TBC1D15: variants seen among roughly 807,000 people sequenced by gnomAD.
The protein encoded by TBC1D15 is TBC1 domain family member 15, also known as GAP for RAB7.
A neutral mutation model predicts 95.4 loss-of-function variants in TBC1D15; 39 were observed. That is an observed-to-expected ratio of 0.41 (90% CI 0.32 to 0.53). TBC1D15 has a LOEUF of 0.53. Ranked by LOEUF, TBC1D15 falls within the 20% of genes least tolerant of loss-of-function variation. The pLI, the probability that TBC1D15 is intolerant of heterozygous loss-of-function variation, is 0.29. For missense variants in TBC1D15, 733 were observed against 794.3 expected (o/e 0.92, Z 0.93); for synonymous variants, 258 against 261.3 (o/e 0.99, Z 0.12).
rs4457797 is a variant in TBC1D15, at chr12:71,924,049, T to C, written c.*845T>C. The C allele has an allele frequency of 0.34, 51,191 of 152,464 alleles. 11,265 individuals are homozygous for C. Among genetic ancestry groups the C allele is most frequent in the African/African-American group, 0.61 (25,452 of 41,448 alleles). 9.4% of individuals were successfully genotyped at this position (152,464 alleles called of 1,614,324 possible). On this transcript the variant is annotated 3_prime_UTR_variant, in exon 17 of 17. Coordinates refer to ENST00000485960, the MANE Select transcript of TBC1D15 (RefSeq NM_001146213.3). ...GCTTGTAACCTCACTTTACTAATAA[T>C]GTTTATTATCTTTCCTAATAATGCA...
intron 10 of TBC1D15, among the ~76,000 whole-genome samples, chr12:71,898,714 A>G (rs1419640077): frequency 2.0e-5 from 3 of 152,120 alleles, no homozygotes; most frequent in South Asian, 2.1e-4. Flanking sequence ...CTGGATTTGT[A>G]TATCCGTGGT....
intron 14 of TBC1D15, 110 bp from the exon 15 acceptor site, chr12:71,920,621 C>A: frequency 1.2e-6 from 1 of 842,818 alleles, no homozygotes; most frequent in Non-Finnish European, 2.0e-6. Flanking sequence ...CTACCCTAAA[C>A]AGGCAACATC....
chr12:71,902,789 C>G (rs544493537), intron 10 of TBC1D15, among the ~76,000 whole-genome samples: 10 of 152,178 alleles, frequency 6.6e-5, no homozygotes, highest in Non-Finnish European at 1.0e-4. Context: ...GGTAAACAGA[C>G]AAGCTACAGA....
At chr12:71,887,196 G>GATCAACTATCAAGTTGATCA (rs1896394661) in intron 5 of TBC1D15, among the ~76,000 whole-genome samples, 1 of 147,398 alleles carries the variant, frequency 6.8e-6, no homozygotes, top group Admixed American at 6.7e-5. Flanking sequence ...ATTTTTACTT[G>GATCAACTATCAAGTTGATCA]ACTACTATTT....
At chr12:71,879,135 CTT>C (rs370132097) in intron 3 of TBC1D15, among the ~76,000 whole-genome samples, 30 of 144,476 alleles carry the variant, frequency 2.1e-4, no homozygotes, top group Non-Finnish European at 2.3e-4. Context: ...CTCTCTCTCT[CTT>C]TTTTTTTTTT....
chr12:71,844,738 C>G (rs2137806825), intron 1 of TBC1D15, among the ~76,000 whole-genome samples: 1 of 152,316 alleles, frequency 6.6e-6, no homozygotes, highest in South Asian at 2.1e-4. Context: ...TAGGCGTTTA[C>G]TGTATATTTA....
chr12:71,917,832 T>A (rs772179934), intron 13 of TBC1D15, 35 bp downstream of exon 13: 1 of 1,387,560 alleles, frequency 7.2e-7, no homozygotes, highest in South Asian at 1.2e-5. Flanking sequence ...ACCCAGCAAA[T>A]TGTAGAGTAA....
intron 11 of TBC1D15, among the ~76,000 whole-genome samples, chr12:71,910,809 A>G (rs1902059985): frequency 6.6e-6 from 1 of 152,240 alleles, no homozygotes; most frequent in South Asian, 2.1e-4. Flanking sequence ...TGCACAGCAA[A>G]GGAAACTACC....
At chr12:71,864,974 G>C (rs1392152505) in intron 1 of TBC1D15, among the ~76,000 whole-genome samples, 2 of 152,204 alleles carry the variant, frequency 1.3e-5, no homozygotes, top group African/African-American at 4.8e-5. Context: ...CAGTGGTAAT[G>C]TCCTTGCTGT....
chr12:71,850,399 T>TACC (rs1887484931), intron 1 of TBC1D15: 1 of 275,296 alleles, frequency 3.6e-6, no homozygotes, highest in Non-Finnish European at 7.0e-6. Flanking sequence ...CCCAGCTCCT[T>TACC]CTGAGCAGGT....
chr12:71,868,678 G>A (rs987765056), intron 1 of TBC1D15: 3 of 152,180 alleles, frequency 2.0e-5, no homozygotes, highest in African/African-American at 7.2e-5. Context: ...AATGTAAGAG[G>A]AAGAGTTGCT....
At chr12:71,895,881 T>G (rs1898056640) in intron 7 of TBC1D15, 66 bp from the exon 8 acceptor site, 1 of 1,459,088 alleles carries the variant, frequency 6.9e-7, no homozygotes, top group African/African-American at 1.4e-5. Flanking sequence ...AAATTTAGTT[T>G]CTATATGCCT....
chr12:71,844,732 C>T (rs970171194), intron 1 of TBC1D15, among the ~76,000 whole-genome samples: 3 of 152,166 alleles, frequency 2.0e-5, no homozygotes, highest in Non-Finnish European at 4.4e-5. Context: ...ACATGGTAGG[C>T]GTTTACTGTA....
chr12:71,880,478 T>G lies in TBC1D15; in HGVS notation c.214T>G (p.Ser72Ala), dbSNP rs1894914152. Residue 72 changes from serine to alanine, a missense_variant, in exon 4 of 17, where the codon TCA (serine) becomes GCA (alanine). Coordinates refer to ENST00000485960, the MANE Select transcript of TBC1D15 (RefSeq NM_001146213.3). Reference sequence around the variant, plus strand: ...GTTATAATTATTTTAGGACTCCAGTTCAGTTGTAGAATGGACTCAGGCCCC... The same window carrying G: ...GTTATAATTATTTTAGGACTCCAGTGCAGTTGTAGAATGGACTCAGGCCCC... Reference protein sequence around the residue: ...SILYARKDSSSVVEWTQAPKE... With the variant: ...SILYARKDSSAVVEWTQAPKE... 3 of 1,590,150 alleles carry G rather than the reference T, an allele frequency of 1.9e-6. No homozygotes were observed. The highest frequency in any genetic ancestry group is 4.6e-5 in the East Asian group (2 of 43,770).
chr12:71,905,823 A>T (rs1053545604), intron 10 of TBC1D15, among the ~76,000 whole-genome samples: 1 of 152,132 alleles, frequency 6.6e-6, no homozygotes, highest in African/African-American at 2.4e-5. Context: ...TTAAGCTCAC[A>T]TCATACCCTG....
At chr12:71,850,319 G>C in intron 1 of TBC1D15, 1 of 414,450 alleles carries the variant, frequency 2.4e-6, no homozygotes, top group Non-Finnish European at 4.6e-6. Flanking sequence ...TGGTTTGAAA[G>C]ACATCAGAAG....
At position 71,890,828 on chromosome 12, in the gene TBC1D15, T is replaced by A. The variant is rs1002923875; in HGVS notation, c.555-2394T>A. On this transcript the variant is annotated intron_variant, in intron 5 of 16. Transcript: ENST00000485960. ...CTTTGATTTATCATCATTTAAAATA[T>A]GATATTCACTTGGATAAAAGAATCA... Among the ~76,000 whole-genome samples, 3 of 152,244 alleles carry A rather than the reference T, an allele frequency of 2.0e-5. No homozygotes were observed. The South Asian group carries it at 6.2e-4, about 31-fold the overall frequency.
At position 71,864,940 on chromosome 12, in the gene TBC1D15, G is replaced by A. The variant is rs1448896172; in HGVS notation, c.31-7130G>A. 1.2e-4 allele frequency among the ~76,000 whole-genome samples: 19 copies of A among 152,348 alleles called. No homozygotes were observed. The South Asian group carries it at 1.7e-3, about 13-fold the overall frequency. On this transcript the variant is annotated intron_variant, in intron 1 of 16. Coordinates refer to ENST00000485960, the MANE Select transcript of TBC1D15 (RefSeq NM_001146213.3). Reference sequence around the variant, plus strand: ...CAATAATTGTGGGCACCTCAGTGGCGTAGGTTGTAGAATTTTGTGGCAGCA... The same window carrying A: ...CAATAATTGTGGGCACCTCAGTGGCATAGGTTGTAGAATTTTGTGGCAGCA...
Position 71,913,865 on chromosome 12 carries a change from T to C in TBC1D15, c.1340T>C (p.Leu447Ser), listed in dbSNP as rs373483288. 6.3e-7 allele frequency: 1 copy of C among 1,593,584 alleles called. No homozygotes were observed. The highest frequency in any genetic ancestry group is 8.5e-7 in the Non-Finnish European group (1 of 1,173,628). ...ATGAGTGATTTACTTTCCCCTCTTTTATATGTGATGGAAAATGAAGTGGAT... is the reference window on the plus strand; with the variant it reads ...ATGAGTGATTTACTTTCCCCTCTTTCATATGTGATGGAAAATGAAGTGGAT... ...QGMSDLLSPL[L>S]YVMENEVDAF... Residue 447 changes from leucine (L) to serine (S), a missense_variant, in exon 12 of 17, where the codon TTA becomes TCA. Physicochemically the swap from Leu to Ser is moderately radical, Grantham distance 145. Coordinates refer to ENST00000485960, the MANE Select transcript of TBC1D15 (RefSeq NM_001146213.3).
Sources: allele counts gnomAD v4.1 joint callset (sites outside exome capture counted in the v4.1 genomes callset), GRCh38; gene constraint gnomAD v4.1.1; transcripts MANE v1.5; gene names NCBI Gene and HGNC (gene_info 2026-07-23, HGNC 2026-07-21).